The following RPRD1B variants were observed in gnomAD, a reference collection of about 807,000 sequenced individuals.
The protein encoded by RPRD1B is regulation of nuclear pre-mRNA domain-containing protein 1B.
RPRD1B carries 11 observed loss-of-function variants against 41.5 expected under a neutral mutation model. The observed-to-expected ratio is 0.27, with a 90% CI of 0.17 to 0.44. RPRD1B has a LOEUF of 0.44. Ranked by LOEUF, RPRD1B falls within the 20% of genes least tolerant of loss-of-function variation. The pLI, the probability that RPRD1B is intolerant of heterozygous loss-of-function variation, is 1.00. For missense variants in RPRD1B, 248 were observed against 389.9 expected, an observed-to-expected ratio of 0.64 and a Z score of 3.06; for synonymous variants, 158 against 155.6, an observed-to-expected ratio of 1.02 and a Z score of -0.12.
intron 1 of RPRD1B, 77 bp from the exon 2 acceptor site, chr20:38,040,358 A>C: frequency 8.1e-7 from 1 of 1,240,960 alleles, no homozygotes; most frequent in Admixed American, 2.9e-5. Context: ...TTTTTTTAGG[A>C]GCAGCCCAGG....
intron 6 of RPRD1B, among the ~76,000 whole-genome samples, chr20:38,068,111 G>C (rs1261437354): frequency 2.6e-5 from 4 of 152,184 alleles, no homozygotes; most frequent in Admixed American, 6.5e-5. Context: ...TGGTTTGCTG[G>C]ACGCCACGAG....
intron 5 of RPRD1B, among the ~76,000 whole-genome samples, chr20:38,062,425 A>G (rs1015520637): frequency 1.3e-5 from 2 of 152,170 alleles, no homozygotes; most frequent in East Asian, 3.8e-4. Context: ...CCATATATCC[A>G]ACCTCCTACT....
intron 2 of RPRD1B, 109 bp downstream of exon 2, chr20:38,040,673 AGAG>A: frequency 7.9e-7 from 1 of 1,264,046 alleles, no homozygotes; most frequent in South Asian, 1.6e-5. Context: ...CCTACTTTAC[AGAG>A]AGTTGTGGAG....
At position 38,091,432 on chromosome 20, in the gene RPRD1B, CTG is replaced by C. The variant is rs2074610870; in HGVS notation, c.*1561_*1562del. On this transcript the variant is annotated 3_prime_UTR_variant, in exon 7 of 7. Transcript: ENST00000373433. ...GTCATAGCAGATACTCAGTTTAACT[CTG>C]TGTAGAACCTAGTAGTGTTTGAGCT... 3.0e-6 allele frequency: 3 copies of C among 985,362 alleles called. No homozygotes were observed. Among genetic ancestry groups the C allele is most frequent in the East Asian group, 1.1e-4 (1 of 8,812 alleles). The allele number at this position is 985,362 out of a possible 1,614,324, so 61.0% of individuals were successfully genotyped here. A position where few individuals can be genotyped will look rare whatever the true frequency, so the allele number is the denominator to read the frequency against.
intron 2 of RPRD1B, among the ~76,000 whole-genome samples, chr20:38,044,961 A>G (rs768826938): frequency 6.6e-6 from 1 of 152,172 alleles, no homozygotes; most frequent in Non-Finnish European, 1.5e-5. Context: ...TTGTACTGAA[A>G]AAGTGCCATA....
intron 6 of RPRD1B, among the ~76,000 whole-genome samples, chr20:38,073,062 A>G (rs1600429675): frequency 1.3e-5 from 2 of 152,342 alleles, no homozygotes; most frequent in East Asian, 3.9e-4. Context: ...TGGTAACTTC[A>G]TCAGATTTGT....
chr20:38,059,316 C>A, intron 4 of RPRD1B, 78 bp from the exon 5 acceptor site: 1 of 1,428,414 alleles, frequency 7.0e-7, no homozygotes, highest in Non-Finnish European at 9.4e-7. Flanking sequence ...AATTTGCCTC[C>A]ACCTCATTTA....
chr20:38,035,467 T>A (rs953896188), intron 1 of RPRD1B, among the ~76,000 whole-genome samples: 5 of 152,204 alleles, frequency 3.3e-5, no homozygotes, highest in Non-Finnish European at 7.3e-5. Flanking sequence ...AGGCTCAGAC[T>A]ACAACAGGCT....
intron 2 of RPRD1B, among the ~76,000 whole-genome samples, chr20:38,047,997 A>T (rs1276183561): frequency 1.3e-5 from 2 of 152,136 alleles, no homozygotes; most frequent in African/African-American, 4.8e-5. Flanking sequence ...AAGAGTTCTG[A>T]TCCACTTTTA....
At position 38,089,977 on chromosome 20, in the gene RPRD1B, G is replaced by A. The variant is rs1051369886; in HGVS notation, c.*102G>A. ...AGCCCCTGGTTCTATCCCTTCTTCC[G>A]CCCAGCCCCCCAGCCTCAAGAAAGA... On this transcript the variant is annotated 3_prime_UTR_variant, in exon 7 of 7. Coordinates refer to ENST00000373433, the MANE Select transcript of RPRD1B (RefSeq NM_021215.4). 2.3e-5 allele frequency: 35 copies of A among 1,503,200 alleles called. No homozygotes were observed. The highest frequency in any genetic ancestry group is 4.6e-5 in the East Asian group (2 of 43,724). The allele number at this position is 1,503,200 out of a possible 1,614,324, so 93.1% of individuals were successfully genotyped here.
rs2074243130 is a variant in RPRD1B, at chr20:38,056,510, C to A, written c.416-1022C>A. Among the ~76,000 whole-genome samples the A allele has an allele frequency of 2.0e-5, 3 of 152,168 alleles. No homozygotes were observed. In the South Asian group the frequency reaches 6.2e-4, roughly 32 times the overall value. ...AGAACAGGAGCTACGTGACTTGTTT[C>A]CAGAAGAAAATGTGTAAGCAAAAAA... On this transcript the variant is annotated intron_variant, in intron 3 of 6. Transcript: ENST00000373433.
At chr20:38,048,267 C>CTT in intron 2 of RPRD1B, 81 bp from the exon 3 acceptor site, 23 of 1,209,600 alleles carry the variant, frequency 1.9e-5, no homozygotes, top group South Asian at 7.4e-5. Context: ...TTGTTGATTT[C>CTT]TTTTTTTTTT....
At chr20:38,053,901 T>C (rs1270982828) in intron 3 of RPRD1B, among the ~76,000 whole-genome samples, 2 of 152,192 alleles carry the variant, frequency 1.3e-5, no homozygotes, top group African/African-American at 2.4e-5. Context: ...ATAAATACCA[T>C]GCCATTTTGT....
chr20:38,034,177 T>TTG, intron 1 of RPRD1B, 79 bp downstream of exon 1: 1 of 1,446,390 alleles, frequency 6.9e-7, no homozygotes, highest in Non-Finnish European at 9.4e-7. Context: ...CCTCTAAGCC[T>TTG]CTTCATTGAG....
intron 5 of RPRD1B, among the ~76,000 whole-genome samples, chr20:38,063,531 T>A (rs1470862078): frequency 6.6e-6 from 1 of 152,192 alleles, no homozygotes; most frequent in Non-Finnish European, 1.5e-5. Context: ...TGGCTACACT[T>A]CTCTGAAAAG....
Position 38,059,450 on chromosome 20 carries a change from T to C in RPRD1B, c.585T>C (p.Ala195=). Residue 195 remains alanine, a synonymous_variant, in exon 5 of 7, where the codon GCT becomes GCC. Coordinates refer to ENST00000373433, the MANE Select transcript of RPRD1B (RefSeq NM_021215.4). ...QDLENAASGD[A]TVRQKIASLP... ...TGGAAAATGCCGCATCAGGGGATGC[T>C]ACTGTCCGACAGAAAATTGCTTCTC... 7 of 1,614,100 alleles carry C rather than the reference T, an allele frequency of 4.3e-6. No individual in the cohort carries two copies. Among genetic ancestry groups the C allele is most frequent in the Non-Finnish European group, 5.9e-6 (7 of 1,179,956 alleles).
chr20:38,040,244 T>C (rs9808603), intron 1 of RPRD1B, among the ~76,000 whole-genome samples, 191 bp from the exon 2 acceptor site: 13,790 of 111,756 alleles, frequency 0.12, 828 homozygotes, highest in East Asian at 0.34. Flanking sequence ...TCTTTTTCTT[T>C]TTCTTTTTTT....
intron 1 of RPRD1B, among the ~76,000 whole-genome samples, chr20:38,039,199 TAAG>T (rs2074037340): frequency 6.6e-6 from 1 of 152,176 alleles, no homozygotes; most frequent in South Asian, 2.1e-4. Context: ...TTCATATAAA[TAAG>T]AGAGAATTAT....
chr20:38,091,205 T>A lies in RPRD1B; in HGVS notation c.*1330T>A. ...GTAATAGGAGTTATAGACCAGAGGC[T>A]GAAACCCAAACTATATAAAAAGGAA... On this transcript the variant is annotated 3_prime_UTR_variant, in exon 7 of 7. Transcript: ENST00000373433. The A allele has an allele frequency of 1.0e-6, 1 of 985,870 alleles. No homozygotes were observed. Among genetic ancestry groups the A allele is most frequent in the Middle Eastern group, 5.2e-4 (1 of 1,912 alleles). 61.1% of individuals were successfully genotyped at this position (985,870 alleles called of 1,614,324 possible). A position where few individuals can be genotyped will look rare whatever the true frequency, so the allele number is the denominator to read the frequency against.
Sources: allele counts gnomAD v4.1 joint callset (sites outside exome capture counted in the v4.1 genomes callset), GRCh38; gene constraint gnomAD v4.1.1; transcripts MANE v1.5; gene names NCBI Gene and HGNC (gene_info 2026-07-23, HGNC 2026-07-21).